The following PLEKHG3 variants were observed in gnomAD, a reference collection of about 807,000 sequenced individuals.
PLEKHG3 encodes pleckstrin homology and RhoGEF domain containing G3.
PLEKHG3 carries 62 observed loss-of-function variants against 94.9 expected under a neutral mutation model. The observed-to-expected ratio is 0.65, with a 90% CI of 0.53 to 0.81. The LOEUF (loss-of-function observed/expected upper bound fraction) is 0.81, where lower values mean the gene tolerates loss of function less well. PLEKHG3 is among the 30% of genes least tolerant of loss of function. The pLI, the probability that PLEKHG3 is intolerant of heterozygous loss-of-function variation, is 0.00. For missense variants in PLEKHG3, 1,461 were observed against 1,619.3 expected, an observed-to-expected ratio of 0.90 and a Z score of 1.68; for synonymous variants, 614 against 654.0, an observed-to-expected ratio of 0.94 and a Z score of 0.93.
At position 64,742,305 on chromosome 14, in the gene PLEKHG3, G is replaced by A; in HGVS notation, c.2788G>A (p.Ala930Thr). 5 of 1,612,526 alleles carry A rather than the reference G, an allele frequency of 3.1e-6. No individual in the cohort carries two copies. Among genetic ancestry groups the A allele is most frequent in the Non-Finnish European group, 4.2e-6 (5 of 1,180,008 alleles). Reference protein sequence around the residue: ...ERVKNKVYQLARQYSLRIKSN... With the variant: ...ERVKNKVYQLTRQYSLRIKSN... ...CGTCAAGAACAAGGTCTACCAGCTG[G>A]CCCGCCAGTACAGCCTCCGGATCAA... The change falls in exon 16 of 17, where the codon GCC becomes ACC. Residue 930 changes from alanine (A) to threonine (T), a missense_variant. By Grantham distance (58) the Ala-to-Thr change is moderately conservative (BLOSUM62 0). Around this residue, in one of 3 missense-constraint regions of PLEKHG3, gnomAD observed 1,201 missense variants for 1,295.5 expected, o/e 0.93. Coordinates refer to ENST00000247226, the MANE Select transcript of PLEKHG3 (RefSeq NM_001308147.2).
intron 12 of PLEKHG3, 147 bp from the exon 13 acceptor site, chr14:64,736,706 C>T (rs2081577062): frequency 1.4e-6 from 1 of 706,416 alleles, no homozygotes; most frequent in Admixed American, 2.0e-5. Flanking sequence ...CTGTGGAAGG[C>T]AGCTTCCCTG....
intron 1 of PLEKHG3, among the ~76,000 whole-genome samples, chr14:64,705,987 C>A (rs866123221): frequency 6.6e-6 from 1 of 152,238 alleles, no homozygotes; most frequent in Non-Finnish European, 1.5e-5. Context: ...CCATTAGCTC[C>A]CTGGGTAACT....
At position 64,730,972 on chromosome 14, in the gene PLEKHG3, C is replaced by T. The variant is rs145792722; in HGVS notation, c.717+23C>T. On this transcript the variant is annotated intron_variant, in intron 6 of 16. Coordinates refer to ENST00000247226, the MANE Select transcript of PLEKHG3 (RefSeq NM_001308147.2). The surrounding 1 kb of genome is among the most constrained non-coding windows in gnomAD (Gnocchi z 5.4). ...CAGGTAGCCCCTCGGTCCTCCCAAGCACCTAGGGCCTGGGGAGGGCAGGGC... is the reference window on the plus strand; with the variant it reads ...CAGGTAGCCCCTCGGTCCTCCCAAGTACCTAGGGCCTGGGGAGGGCAGGGC... 3.1e-3 allele frequency: 5,035 copies of T among 1,613,472 alleles called. 7 individuals are homozygous for T. The highest frequency in any genetic ancestry group is 4.6e-3 in the Middle Eastern group (28 of 6,060).
chr14:64,727,905 A>G lies in PLEKHG3; in HGVS notation c.274A>G (p.Ser92Gly), dbSNP rs765902752. 5.6e-6 allele frequency: 9 copies of G among 1,612,486 alleles called. No individual in the cohort carries two copies. In the South Asian group the frequency reaches 6.6e-5, roughly 12 times the overall value. ...GGCAGGGCCTGCACACCACAAGCTC[A>G]GCTACCTGGGCCGAGTGGTGCGGGA... ...AAAGPAHHKL[S>G]YLGRVVREIV... Residue 92 changes from serine to glycine, a missense_variant, in exon 2 of 17, where the codon AGC becomes GGC. Physicochemically the swap from Ser to Gly is moderately conservative, Grantham distance 56 (BLOSUM62 0). Coordinates refer to ENST00000247226, the MANE Select transcript of PLEKHG3 (RefSeq NM_001308147.2). The surrounding 1 kb of genome is among the most constrained non-coding windows in gnomAD (Gnocchi z 6.0).
chr14:64,744,874 A>C lies in PLEKHG3; in HGVS notation c.*1171A>C, dbSNP rs2081803774. 1 of 150,842 alleles carries C rather than the reference A, an allele frequency of 6.6e-6. No individual in the cohort carries two copies. Among genetic ancestry groups the C allele is most frequent in the Non-Finnish European group, 1.5e-5 (1 of 67,876 alleles). 9.3% of individuals were successfully genotyped at this position (150,842 alleles called of 1,614,324 possible). ...CTGCAACCTCCGCCTCCCAGGTTCAAGCAATTCTCGTTGTCTCAGCCTCCC... is the reference window on the plus strand; with the variant it reads ...CTGCAACCTCCGCCTCCCAGGTTCACGCAATTCTCGTTGTCTCAGCCTCCC... On this transcript the variant is annotated 3_prime_UTR_variant, in exon 17 of 17. Transcript: ENST00000247226.
In PLEKHG3 at chr14:64,739,613, T is replaced by C. The variant is rs1566715034; in HGVS notation, c.1518+758T>C. 6.6e-6 allele frequency among the ~76,000 whole-genome samples: 1 copy of C among 152,242 alleles called. No homozygotes were observed. The highest frequency in any genetic ancestry group is 1.5e-5 in the Non-Finnish European group (1 of 68,044). On this transcript the variant is annotated intron_variant, in intron 15 of 16. Coordinates refer to ENST00000247226, the MANE Select transcript of PLEKHG3 (RefSeq NM_001308147.2). The surrounding 1 kb of genome is among the most constrained non-coding windows in gnomAD (Gnocchi z 4.1). ...GCTTGAGCTGCTGTAACAAAATCCC[T>C]TACTGCTACGTGGGTAGCTTAGTTA...
chr14:64,749,637 A>G lies in PLEKHG3; in HGVS notation c.*5934A>G. The G allele has an allele frequency of 6.2e-7, 1 of 1,613,450 alleles. No homozygotes were observed. Among genetic ancestry groups the G allele is most frequent in the Non-Finnish European group, 8.5e-7 (1 of 1,179,896 alleles). On this transcript the variant is annotated 3_prime_UTR_variant, in exon 17 of 17. Transcript: ENST00000247226. This position sits in a 1 kb window ranked among gnomAD's most constrained non-coding sequence, Gnocchi z 4.7. ...CCCCCTTCTTAGCCAGGTCTGGGCT[A>G]GGCTGCCCGCGCTTACCTCATCCTT...
rs554148439 is a variant in PLEKHG3 at position 64,733,240 on chromosome 14, C to T, written c.1345+339C>T. Among the ~76,000 whole-genome samples, 8 of 150,492 alleles carry T rather than the reference C, an allele frequency of 5.3e-5. No individual in the cohort carries two copies. The South Asian group carries it at 1.5e-3, about 28-fold the overall frequency. ...AGTGCAGTGGCTCGATCTCGGCTCA[C>T]TGCAACCTCTGCCTCCTGGGTTCAA... is the stretch of plus-strand genomic sequence containing the variant. On this transcript the variant is annotated intron_variant, in intron 12 of 16. Coordinates refer to ENST00000247226, the MANE Select transcript of PLEKHG3 (RefSeq NM_001308147.2).
chr14:64,727,014 C>T lies in PLEKHG3; in HGVS notation c.-39-579C>T, dbSNP rs1005168027. ...CTTGGGAAGTTCTTCTTCACAACTG[C>T]CATTATTATCACCATATTGATGGTG... On this transcript the variant is annotated intron_variant, in intron 1 of 16. Transcript: ENST00000247226. The surrounding 1 kb of genome is among the most constrained non-coding windows in gnomAD (Gnocchi z 6.0). Among the ~76,000 whole-genome samples the T allele has an allele frequency of 6.6e-6, 1 of 152,162 alleles. No individual in the cohort carries two copies. Among genetic ancestry groups the T allele is most frequent in the Non-Finnish European group, 1.5e-5 (1 of 68,030 alleles).
rs752364022 is a variant in PLEKHG3 at position 64,742,295 on chromosome 14, C to T, written c.2778C>T (p.Val926=). Reference sequence around the variant, plus strand: ...TGAGCGAGCGCGTCAAGAACAAGGTCTACCAGCTGGCCCGCCAGTACAGCC... The same window carrying T: ...TGAGCGAGCGCGTCAAGAACAAGGTTTACCAGCTGGCCCGCCAGTACAGCC... The part of the protein sequence containing the change: ...SHVSERVKNK[V]YQLARQYSLR... The change falls in exon 16 of 17, where the codon GTC becomes GTT. Residue 926 remains valine, a synonymous_variant. Coordinates refer to ENST00000247226, the MANE Select transcript of PLEKHG3 (RefSeq NM_001308147.2). 22 of 1,612,754 alleles carry T rather than the reference C, an allele frequency of 1.4e-5. No homozygotes were observed.
At chr14:64,708,804 G>A (rs572080512) in intron 1 of PLEKHG3, among the ~76,000 whole-genome samples, 1 of 152,052 alleles carries the variant, frequency 6.6e-6, no homozygotes, top group African/African-American at 2.4e-5. Flanking sequence ...GTCATGGCCA[G>A]TTCCACCCCC....
At position 64,741,412 on chromosome 14, in the gene PLEKHG3, C is replaced by T. The variant is rs200388786; in HGVS notation, c.1895C>T (p.Pro632Leu). 149 of 1,612,802 alleles carry T rather than the reference C, an allele frequency of 9.2e-5. No individual in the cohort carries two copies. The Middle Eastern group carries it at 2.0e-3, about 21-fold the overall frequency. Residue 632 changes from proline (P) to leucine (L), a missense_variant, in exon 16 of 17, where the codon CCG (proline) becomes CTG (leucine). By Grantham distance (98) the Pro-to-Leu change is moderately conservative. Transcript: ENST00000247226. ...EDSKSSGFGS[P>L]RLVSRSSSVL... Reference sequence around the variant, plus strand: ...AGCAAGTCCAGTGGCTTTGGGAGCCCGCGGCTGGTCAGCCGGAGCAGCAGC... The same window carrying T: ...AGCAAGTCCAGTGGCTTTGGGAGCCTGCGGCTGGTCAGCCGGAGCAGCAGC...
At position 64,729,082 on chromosome 14, in the gene PLEKHG3, C is replaced by T. The variant is rs1399849047; in HGVS notation, c.438C>T (p.Tyr146=). The part of the protein sequence containing the change: ...SALFGNIENI[Y]ALNSQLLRDL... ...TCTTTGGGAACATAGAAAATATCTA[C>T]GCGCTGAACAGGTGTGTGAATGGGC... Residue 146 remains tyrosine, a synonymous_variant, in exon 3 of 17, where the codon TAC becomes TAT. Coordinates refer to ENST00000247226, the MANE Select transcript of PLEKHG3 (RefSeq NM_001308147.2). 4.3e-5 allele frequency: 63 copies of T among 1,481,612 alleles called. No homozygotes were observed. The highest frequency in any genetic ancestry group is 2.5e-5 in the East Asian group (1 of 40,676). The allele number at this position is 1,481,612 out of a possible 1,614,324, so 91.8% of individuals were successfully genotyped here.
chr14:64,719,471 A>G (rs1351093535), intron 1 of PLEKHG3, among the ~76,000 whole-genome samples: 1 of 151,812 alleles, frequency 6.6e-6, no homozygotes, highest in Non-Finnish European at 1.5e-5. Flanking sequence ...CTCATGAGGA[A>G]CTTGATGCTT....
chr14:64,747,121 C>G lies in PLEKHG3; in HGVS notation c.*3418C>G, dbSNP rs1017516873. The G allele has an allele frequency of 1.3e-5, 2 of 152,598 alleles. No homozygotes were observed. The highest frequency in any genetic ancestry group is 4.8e-5 in the African/African-American group (2 of 41,456). The allele number at this position is 152,598 out of a possible 1,614,324, so 9.5% of individuals were successfully genotyped here. A position where few individuals can be genotyped will look rare whatever the true frequency, so the allele number is the denominator to read the frequency against. ...GGGTGGTGAGATGCTAGCTCTTCCA[C>G]TAGAGCCCTTCCTTTCTCGGGTCTG... On this transcript the variant is annotated 3_prime_UTR_variant, in exon 17 of 17. Coordinates refer to ENST00000247226, the MANE Select transcript of PLEKHG3 (RefSeq NM_001308147.2).
Position 64,717,314 on chromosome 14 carries a change from G to T in PLEKHG3, c.-39-10279G>T, listed in dbSNP as rs913038314. Among the ~76,000 whole-genome samples the T allele has an allele frequency of 1.3e-5, 2 of 152,166 alleles. No homozygotes were observed. Among genetic ancestry groups the T allele is most frequent in the African/African-American group, 4.8e-5 (2 of 41,430 alleles). On this transcript the variant is annotated intron_variant, in intron 1 of 16. Transcript: ENST00000247226. This position sits in a 1 kb window ranked among gnomAD's most constrained non-coding sequence, Gnocchi z 4.7. ...AGGCCTGAGGGAGGGGGAAGGCCAG[G>T]GTTGTCTACATAACTTTCTGGGTTT...
At chr14:64,742,745 G>T (rs2081731706) in intron 16 of PLEKHG3, among the ~76,000 whole-genome samples, 1 of 152,208 alleles carries the variant, frequency 6.6e-6, no homozygotes, top group South Asian at 2.1e-4. Context: ...AGCAGGATGG[G>T]AGCAGAAGCT....
Position 64,729,083 on chromosome 14 carries a change from G to A in PLEKHG3, c.439G>A (p.Ala147Thr), listed in dbSNP as rs1277179698. The stretch of plus-strand genomic sequence containing the variant: ...CTTTGGGAACATAGAAAATATCTAC[G>A]CGCTGAACAGGTGTGTGAATGGGCC... The part of the protein sequence containing the change: ...ALFGNIENIY[A>T]LNSQLLRDLD... The change falls in exon 3 of 17, where the codon GCG (alanine) becomes ACG (threonine). Residue 147 changes from alanine to threonine, a missense_variant. Ala to Thr is a moderately conservative substitution (Grantham distance 58). Transcript: ENST00000247226. 6.8e-6 allele frequency: 10 copies of A among 1,478,698 alleles called. No individual in the cohort carries two copies. Among genetic ancestry groups the A allele is most frequent in the African/African-American group, 1.4e-5 (1 of 71,666 alleles). 91.6% of individuals were successfully genotyped at this position (1,478,698 alleles called of 1,614,324 possible).
In PLEKHG3 at chr14:64,735,748, C is replaced by T. The variant is rs572756529; in HGVS notation, c.1346-1105C>T. 9.8e-5 allele frequency among the ~76,000 whole-genome samples: 15 copies of T among 152,346 alleles called. No individual in the cohort carries two copies. The South Asian group carries it at 2.7e-3, about 27-fold the overall frequency. ...CAGGCACTTTACTGCCTGGGCTCAGCCATCTACTCTGACTTCCTTGAGGTT... is the reference window on the plus strand; with the variant it reads ...CAGGCACTTTACTGCCTGGGCTCAGTCATCTACTCTGACTTCCTTGAGGTT... On this transcript the variant is annotated intron_variant, in intron 12 of 16. Coordinates refer to ENST00000247226, the MANE Select transcript of PLEKHG3 (RefSeq NM_001308147.2).
Sources: gnomAD v4.1 joint callset for allele counts (sites outside exome capture counted in the v4.1 genomes callset) on GRCh38, gnomAD v4.1.1 for gene constraint, gnomAD v4.1.1 regional missense constraint, Gnocchi (gnomAD v3.1) non-coding constraint, MANE v1.5 for transcripts, NCBI Gene and HGNC (gene_info 2026-07-23, HGNC 2026-07-21) for gene names.